The following MYRIP variants were observed in gnomAD, a reference collection of about 807,000 sequenced individuals.
The protein encoded by MYRIP is rab effector MyRIP.
In MYRIP, 49 loss-of-function variants were observed where a neutral mutation model predicts 98.0. That is an observed-to-expected ratio of 0.50 (90% CI 0.40 to 0.63). The LOEUF is 0.63. Ranked by LOEUF, MYRIP falls within the 30% of genes least tolerant of loss-of-function variation. MYRIP has a pLI of 0.00. For missense variants in MYRIP, 1,004 were observed against 1,058.2 expected, an observed-to-expected ratio of 0.95 and a Z score of 0.71; for synonymous variants, 404 against 409.5, an observed-to-expected ratio of 0.99 and a Z score of 0.16.
intron 2 of MYRIP, among the ~76,000 whole-genome samples, chr3:40,008,090 C>T (rs1256779801): frequency 6.6e-6 from 1 of 152,202 alleles, no homozygotes; most frequent in Non-Finnish European, 1.5e-5. Context: ...AGTTCAGTGG[C>T]CCTCCCAGTT....
intron 1 of MYRIP, among the ~76,000 whole-genome samples, chr3:39,849,745 A>G (rs892746552): frequency 6.6e-6 from 1 of 152,168 alleles, no homozygotes; most frequent in Non-Finnish European, 1.5e-5. Context: ...TTTCTTCTAC[A>G]GTGTAGAGAG....
chr3:39,948,051 A>C (rs894719781), intron 2 of MYRIP, among the ~76,000 whole-genome samples: 1 of 152,192 alleles, frequency 6.6e-6, no homozygotes, highest in South Asian at 2.1e-4. Flanking sequence ...GCTCTAAATT[A>C]TTCTATGCAA....
At chr3:40,131,538 G>T (rs1269659123) in intron 3 of MYRIP, among the ~76,000 whole-genome samples, 2 of 152,140 alleles carry the variant, frequency 1.3e-5, no homozygotes, top group African/African-American at 2.4e-5. Context: ...TCTCTCTGTG[G>T]CTACAGGCCT....
chr3:40,155,360 A>C (rs1950207161), intron 4 of MYRIP, among the ~76,000 whole-genome samples: 1 of 150,270 alleles, frequency 6.7e-6, no homozygotes, highest in Non-Finnish European at 1.5e-5. Context: ...CATGGTGTAT[A>C]TGTGCCACAT....
chr3:40,081,517 A>G (rs1194971321), intron 3 of MYRIP, among the ~76,000 whole-genome samples: 5 of 152,076 alleles, frequency 3.3e-5, no homozygotes, highest in African/African-American at 4.8e-5. Context: ...CGTTTTACTA[A>G]TTCTGTCAAG....
rs78731643 is a variant in MYRIP at position 40,076,817 on chromosome 3, T to C, written c.332+32546T>C. Among the ~76,000 whole-genome samples, 1,397 of 152,324 alleles carry C rather than the reference T, an allele frequency of 9.2e-3. 23 individuals carry two copies. The highest frequency in any genetic ancestry group is 0.032 in the African/African-American group (1,340 of 41,564). ...CTGTGACATAAACCACGTGAAAGTA[T>C]TACCTTACCCTCCCACGCAAAAAAT... On this transcript the variant is annotated intron_variant, in intron 3 of 16. Transcript: ENST00000302541.
chr3:39,865,431 T>C (rs977356297), intron 1 of MYRIP, among the ~76,000 whole-genome samples: 4 of 152,110 alleles, frequency 2.6e-5, no homozygotes, highest in Non-Finnish European at 1.5e-5. Flanking sequence ...ATGCATCTGG[T>C]AATGGTCTAA....
intron 3 of MYRIP, among the ~76,000 whole-genome samples, chr3:40,139,359 C>T (rs1250430649): frequency 1.3e-5 from 2 of 152,122 alleles, no homozygotes; most frequent in Non-Finnish European, 2.9e-5. Context: ...AGTCAAGATA[C>T]AGAACATTTC....
At chr3:39,921,755 C>T (rs1049029689) in intron 2 of MYRIP, among the ~76,000 whole-genome samples, 3 of 151,970 alleles carry the variant, frequency 2.0e-5, no homozygotes, top group African/African-American at 7.3e-5. Flanking sequence ...GTGGCACATG[C>T]CTGTAGTCCC....
chr3:39,813,517 A>T, intron 1 of MYRIP, among the ~76,000 whole-genome samples: 1 of 152,194 alleles, frequency 6.6e-6, no homozygotes. Context: ...CAATTTTAAG[A>T]TAAAAGAACT....
At chr3:40,242,663 G>A (rs1212394240) in intron 12 of MYRIP, among the ~76,000 whole-genome samples, 1 of 152,112 alleles carries the variant, frequency 6.6e-6, no homozygotes, top group African/African-American at 2.4e-5. Context: ...CCACTGCCAT[G>A]CTTAAATTAT....
At chr3:40,014,736 C>A (rs1260858959) in intron 2 of MYRIP, among the ~76,000 whole-genome samples, 1 of 152,152 alleles carries the variant, frequency 6.6e-6, no homozygotes, top group Non-Finnish European at 1.5e-5. Flanking sequence ...GGCTGGTGAC[C>A]TGGGAAACTT....
intron 2 of MYRIP, among the ~76,000 whole-genome samples, chr3:40,019,699 A>G (rs1328372148): frequency 6.6e-6 from 1 of 152,076 alleles, no homozygotes; most frequent in Non-Finnish European, 1.5e-5. Context: ...TCCAGGAATA[A>G]GGGAAACAAT....
intron 5 of MYRIP, among the ~76,000 whole-genome samples, 156 bp from the exon 6 acceptor site, chr3:40,166,690 T>C (rs1950506864): frequency 6.6e-6 from 1 of 152,038 alleles, no homozygotes; most frequent in South Asian, 2.1e-4. Context: ...TGGGAGGCAG[T>C]GTGAGGCAGG....
chr3:40,197,388 C>G (rs1281665572), intron 10 of MYRIP, among the ~76,000 whole-genome samples: 1 of 152,132 alleles, frequency 6.6e-6, no homozygotes, highest in African/African-American at 2.4e-5. Context: ...GAGTTGGGGA[C>G]CCCCTGCTCT....
chr3:40,209,103 G>T (rs1384724734), intron 10 of MYRIP: 1 of 152,384 alleles, frequency 6.6e-6, no homozygotes, highest in East Asian at 1.9e-4. Context: ...AATGTGCTGT[G>T]CTGGTTGGGT....
chr3:39,857,359 C>A (rs1380219023), intron 1 of MYRIP, among the ~76,000 whole-genome samples: 3 of 151,874 alleles, frequency 2.0e-5, no homozygotes, highest in African/African-American at 7.3e-5. Context: ...AAAAAGACAG[C>A]TAAAGGAAAT....
chr3:39,880,145 G>A (rs1379679426), intron 1 of MYRIP, among the ~76,000 whole-genome samples: 2 of 152,074 alleles, frequency 1.3e-5, no homozygotes, highest in Admixed American at 6.6e-5. Context: ...CCATGCTGCT[G>A]TGCTGCACCC....
intron 11 of MYRIP, among the ~76,000 whole-genome samples, chr3:40,224,346 C>T (rs1291114187): frequency 1.3e-5 from 2 of 151,690 alleles, no homozygotes; most frequent in East Asian, 1.9e-4. Context: ...CTGATTACCA[C>T]CAGTCATTAG....
Sources: allele counts gnomAD v4.1 joint callset (sites outside exome capture counted in the v4.1 genomes callset), GRCh38; gene constraint gnomAD v4.1.1; transcripts MANE v1.5; gene names NCBI Gene and HGNC (gene_info 2026-07-23, HGNC 2026-07-21).